The following NDC1 variants were observed in gnomAD, a reference collection of about 807,000 sequenced individuals.
NDC1 encodes the protein nucleoporin NDC1.
Under a neutral mutation model 89.8 loss-of-function variants are expected in NDC1, and 24 were observed. That is an observed-to-expected ratio of 0.27 (90% confidence interval 0.19 to 0.38). The LOEUF (loss-of-function observed/expected upper bound fraction) is 0.38, where lower values mean the gene tolerates loss of function less well. NDC1 is among the 10% of genes least tolerant of loss of function. The pLI is 1.00. For missense variants in NDC1, 728 were observed against 797.6 expected (o/e 0.91, Z 1.05); for synonymous variants, 296 against 284.8 (o/e 1.04, Z -0.39).
intron 16 of NDC1, among the ~76,000 whole-genome samples, chr1:53,772,731 C>CA (rs1318279991): frequency 3.5e-4 from 52 of 148,438 alleles, no homozygotes; most frequent in African/African-American, 9.5e-4. Context: ...CAAAACAAAA[C>CA]AAACATAATA....
intron 10 of NDC1, 53 bp downstream of exon 10, chr1:53,803,875 G>A: frequency 7.2e-7 from 1 of 1,389,974 alleles, no homozygotes; most frequent in Non-Finnish European, 1.0e-6. Flanking sequence ...CTGGCCAAGT[G>A]AATTACTTTC....
At chr1:53,836,882 T>G (rs1027692384) in intron 1 of NDC1, among the ~76,000 whole-genome samples, 1 of 152,218 alleles carries the variant, frequency 6.6e-6, no homozygotes, top group Non-Finnish European at 1.5e-5. Context: ...CTTCATGATC[T>G]TGGATTTGGC....
At chr1:53,821,404 C>T (rs138817510) in intron 5 of NDC1, among the ~76,000 whole-genome samples, 453 of 152,336 alleles carry the variant, frequency 3.0e-3, no homozygotes, top group Non-Finnish European at 4.8e-3. Context: ...GACTGCGCCA[C>T]TGCACTCCAG....
rs1342847537 is a variant in NDC1 at position 53,772,581 on chromosome 1, T to C, written c.1801-92A>G. On this transcript the variant is annotated intron_variant, in intron 16 of 17. Transcript: ENST00000371429. ...GCTCACATGTGTAATCCCAACACTT[T>C]GGAAGGACGAGGCGGGAGGACTGCT... The C allele has an allele frequency of 2.4e-6, 3 of 1,243,398 alleles. No homozygotes were observed. The African/African-American group carries it at 4.5e-5, about 19-fold the overall frequency. The allele number at this position is 1,243,398 out of a possible 1,614,324, so 77.0% of individuals were successfully genotyped here. A position where few individuals can be genotyped will look rare whatever the true frequency, so the allele number is the denominator to read the frequency against.
chr1:53,772,659 A>AG (rs1647125382), intron 16 of NDC1, among the ~76,000 whole-genome samples, 170 bp from the exon 17 acceptor site: 1 of 142,638 alleles, frequency 7.0e-6, no homozygotes, highest in African/African-American at 2.6e-5. Flanking sequence ...ATCCTGTCTC[A>AG]AAATAACATA....
At chr1:53,825,352 G>A (rs926707970) in intron 5 of NDC1, among the ~76,000 whole-genome samples, 3 of 151,272 alleles carry the variant, frequency 2.0e-5, no homozygotes, top group Admixed American at 6.6e-5. Flanking sequence ...GGCATGTGGA[G>A]GCTGAGGCAG....
chr1:53,778,533 G>A (rs563386028), intron 16 of NDC1, among the ~76,000 whole-genome samples: 4 of 151,650 alleles, frequency 2.6e-5, no homozygotes, highest in East Asian at 3.9e-4. Context: ...CAGGAGGATC[G>A]CTTGAGCCTG....
chr1:53,810,838 T>G (rs1295985497), intron 6 of NDC1, among the ~76,000 whole-genome samples: 1 of 152,206 alleles, frequency 6.6e-6, no homozygotes, highest in Non-Finnish European at 1.5e-5. Context: ...GTTGTGATTT[T>G]TAGCTCCAGA....
intron 2 of NDC1, among the ~76,000 whole-genome samples, chr1:53,834,511 T>C (rs1649167059): frequency 6.6e-6 from 1 of 152,208 alleles, no homozygotes; most frequent in Non-Finnish European, 1.5e-5. Flanking sequence ...TGGCATTTTC[T>C]TGTGAAAAAC....
intron 9 of NDC1, among the ~76,000 whole-genome samples, chr1:53,804,533 G>C (rs960427497): frequency 6.6e-6 from 1 of 152,108 alleles, no homozygotes; most frequent in African/African-American, 2.4e-5. Context: ...CTGGAGTGCA[G>C]TGATGTGATC....
chr1:53,782,571 T>C (rs899493636), intron 16 of NDC1, among the ~76,000 whole-genome samples: 2 of 152,104 alleles, frequency 1.3e-5, no homozygotes, highest in African/African-American at 2.4e-5. Flanking sequence ...TCAAAGAAAC[T>C]GTACAGAAGC....
rs527886437 is a variant in NDC1, at chr1:53,834,976, C to A, written c.178+524G>T. Reference sequence around the variant, plus strand: ...TACAAAAATCAGCCGGGCGTGGTGGCGCGTGCTGAGGCACAAGAATTGCTT... The same window carrying A: ...TACAAAAATCAGCCGGGCGTGGTGGAGCGTGCTGAGGCACAAGAATTGCTT... On this transcript the variant is annotated intron_variant, in intron 2 of 17. Transcript: ENST00000371429. 5.9e-3 allele frequency among the ~76,000 whole-genome samples: 726 copies of A among 122,990 alleles called. 6 individuals are homozygous for A. The highest frequency in any genetic ancestry group is 0.031 in the African/African-American group (691 of 22,108). The allele number at this position is 122,990 out of a possible 152,430, so 80.7% of individuals were successfully genotyped here.
chr1:53,807,887 T>C, intron 7 of NDC1, 96 bp from the exon 8 acceptor site: 1 of 1,128,546 alleles, frequency 8.9e-7, no homozygotes, highest in Non-Finnish European at 1.3e-6. Flanking sequence ...ATATTATGTC[T>C]AAATAACAAT....
Position 53,778,635 on chromosome 1 carries a change from A to C in NDC1, c.1801-6146T>G, listed in dbSNP as rs917538686. Among the ~76,000 whole-genome samples, 9 of 152,240 alleles carry C rather than the reference A, an allele frequency of 5.9e-5. 1 individual carries two copies. The highest frequency in any genetic ancestry group is 1.9e-4 in the African/African-American group (8 of 41,550). On this transcript the variant is annotated intron_variant, in intron 16 of 17. Coordinates refer to ENST00000371429, the MANE Select transcript of NDC1 (RefSeq NM_018087.5). ...GAATAAATGAATGACTTAAAACACT[A>C]AGTAAATAAAAGCTCAGGGAAATAA...
intron 14 of NDC1, among the ~76,000 whole-genome samples, chr1:53,790,783 AC>A (rs2100643251): frequency 6.6e-6 from 1 of 152,200 alleles, no homozygotes; most frequent in South Asian, 2.1e-4. Context: ...TCTACCCTCA[AC>A]CCCACTCAAA....
At chr1:53,808,449 T>A (rs1316393488) in intron 7 of NDC1, among the ~76,000 whole-genome samples, 1 of 152,234 alleles carries the variant, frequency 6.6e-6, no homozygotes, top group African/African-American at 2.4e-5. Flanking sequence ...CTCATCCATA[T>A]AAGAGTGGCA....
intron 2 of NDC1, among the ~76,000 whole-genome samples, chr1:53,834,026 G>A (rs1407725001): frequency 6.6e-6 from 1 of 151,508 alleles, no homozygotes; most frequent in Admixed American, 6.6e-5. Context: ...CAGGCAATCC[G>A]CCCGCCTCAG....
Position 53,796,718 on chromosome 1 carries a change from A to G in NDC1, c.1555T>C (p.Tyr519His). The change falls in exon 13 of 18, where the codon TAT becomes CAT. Residue 519 changes from tyrosine (Y) to histidine (H), a missense_variant. Transcript: ENST00000371429. ...TCACGTTTATTCTGAATCCATGAATAAATCACACTGGGTTGTCTCATTGTC... is the reference window on the plus strand; with the variant it reads ...TCACGTTTATTCTGAATCCATGAATGAATCACACTGGGTTGTCTCATTGTC... ...GKTMRQPSVI[Y>H]SWIQNKREQI... 4 of 1,608,226 alleles carry G rather than the reference A, an allele frequency of 2.5e-6. No individual in the cohort carries two copies. The highest frequency in any genetic ancestry group is 1.7e-6 in the Non-Finnish European group (2 of 1,177,920).
chr1:53,769,546 A>C (rs1647095236), intron 17 of NDC1, among the ~76,000 whole-genome samples: 1 of 152,334 alleles, frequency 6.6e-6, no homozygotes, highest in Admixed American at 6.5e-5. Context: ...TTTATCTTTT[A>C]AAAAATAAGT....
Sources: gnomAD v4.1 joint callset for allele counts (sites outside exome capture counted in the v4.1 genomes callset) on GRCh38, gnomAD v4.1.1 for gene constraint, MANE v1.5 for transcripts, NCBI Gene and HGNC (gene_info 2026-07-23, HGNC 2026-07-21) for gene names.